The following GALNT14 variants were observed in gnomAD, a reference collection of about 807,000 sequenced individuals.
The protein encoded by GALNT14 is UDP-GalNAc:polypeptide N-acetylgalactosaminyltransferase 14.
GALNT14 carries 60 observed loss-of-function variants against 77.5 expected under a neutral mutation model. The observed-to-expected ratio is 0.77, with a 90% CI of 0.63 to 0.96. The LOEUF (loss-of-function observed/expected upper bound fraction) is 0.96. Among genes scored for constraint, GALNT14 ranks in the 40% least tolerant of loss-of-function variants. The probability of loss-of-function intolerance (pLI) is 0.00; values close to 1 mark genes in which losing one functional copy is unlikely to be tolerated. For missense variants in GALNT14, 710 were observed against 731.0 expected (o/e 0.97, Z 0.33); for synonymous variants, 280 against 281.7 (o/e 0.99, Z 0.06).
At chr2:30,969,750 A>G (rs969505038) in intron 2 of GALNT14, among the ~76,000 whole-genome samples, 3 of 152,152 alleles carry the variant, frequency 2.0e-5, no homozygotes, top group Non-Finnish European at 2.9e-5. Context: ...GATACCACTG[A>G]CCAGCTGTGG....
In GALNT14 at chr2:31,029,668, G is replaced by A. The variant is rs569703267; in HGVS notation, c.130-36661C>T. Among the ~76,000 whole-genome samples, 8 of 152,146 alleles carry A rather than the reference G, an allele frequency of 5.3e-5. No individual in the cohort carries two copies. The East Asian group carries it at 1.4e-3, about 26-fold the overall frequency. ...ATGGATGTGATGCTGATGGCCAGTC[G>A]CAATCATGTAGACTAGAACAACACT... is the stretch of plus-strand genomic sequence containing the variant. On this transcript the variant is annotated intron_variant, in intron 1 of 14. Coordinates refer to ENST00000349752, the MANE Select transcript of GALNT14 (RefSeq NM_024572.4).
At chr2:31,115,033 G>A (rs1483421956) in intron 1 of GALNT14, among the ~76,000 whole-genome samples, 5 of 152,090 alleles carry the variant, frequency 3.3e-5, no homozygotes, top group Non-Finnish European at 5.9e-5. Context: ...GACCACTTGA[G>A]CCCAGGAGTT....
intron 1 of GALNT14, among the ~76,000 whole-genome samples, chr2:31,004,877 C>A (rs756071357): frequency 6.6e-6 from 1 of 152,172 alleles, no homozygotes; most frequent in Admixed American, 6.5e-5. Context: ...CAGGGAAAAG[C>A]AATTTTCAAG....
At chr2:30,900,834 G>A in the GALNT14 span, among the ~76,000 whole-genome samples, 1 of 152,218 alleles carries the variant, frequency 6.6e-6, no homozygotes, top group South Asian at 2.1e-4. Flanking sequence ...CCCAGTCAGG[G>A]GCAGATGTGA....
intron 2 of GALNT14, among the ~76,000 whole-genome samples, chr2:30,978,838 T>A (rs76858698): frequency 0.03 from 4,547 of 151,850 alleles, 160 homozygotes; most frequent in East Asian, 0.21. Context: ...CTTGGAAGGG[T>A]GATAGACAGT....
chr2:31,114,799 T>G (rs1013742741), intron 1 of GALNT14: 1 of 717,532 alleles, frequency 1.4e-6, no homozygotes, highest in African/African-American at 1.7e-5. Flanking sequence ...GCAAGAGACA[T>G]GGGAAATGAC....
chr2:31,046,197 C>T (rs1035238056), intron 1 of GALNT14, among the ~76,000 whole-genome samples: 1 of 151,232 alleles, frequency 6.6e-6, no homozygotes, highest in African/African-American at 2.4e-5. Flanking sequence ...GGGGTTTGAA[C>T]CTAAGTTGGC....
intron 2 of GALNT14, among the ~76,000 whole-genome samples, chr2:30,970,995 C>A (rs1668318989): frequency 1.3e-5 from 2 of 152,178 alleles, no homozygotes; most frequent in South Asian, 4.1e-4. Flanking sequence ...TAATCTGGTG[C>A]TCGTCCCTAC....
At chr2:31,057,294 TA>T (rs398104155) in intron 1 of GALNT14, among the ~76,000 whole-genome samples, 389 of 30,064 alleles carry the variant, frequency 0.013, 2 homozygotes, top group Middle Eastern at 0.044. Context: ...AAGTTGAAAT[TA>T]TATATATATA....
chr2:31,088,999 G>A (rs960652788), intron 1 of GALNT14, among the ~76,000 whole-genome samples: 4 of 152,198 alleles, frequency 2.6e-5, no homozygotes, highest in African/African-American at 9.6e-5. Context: ...TAGATGGGAT[G>A]ACTAATTTCT....
At chr2:30,993,837 G>A (rs1558475567) in intron 1 of GALNT14, among the ~76,000 whole-genome samples, 1 of 152,222 alleles carries the variant, frequency 6.6e-6, no homozygotes, top group Non-Finnish European at 1.5e-5. Flanking sequence ...CTCAGTCTCT[G>A]TGGCCCCTCC....
intron 1 of GALNT14, among the ~76,000 whole-genome samples, chr2:31,090,419 G>A (rs1378854811): frequency 1.3e-5 from 2 of 151,438 alleles, no homozygotes; most frequent in African/African-American, 2.4e-5. Context: ...GGTAGGCAGC[G>A]CATCTGACGC....
In GALNT14 at chr2:30,924,130, C is replaced by T; in HGVS notation, c.1369G>A (p.Ala457Thr). ...SPCAKVKGED[A>T]KSQVWAFTYT... ...GCCAGTTACTTTACCTGGGACTTTG[C>T]ATCTTCGCCTTTGACCTTGGCACAG... Residue 457 changes from alanine to threonine, a missense_variant, in exon 13 of 15, where the codon GCA becomes ACA. Physicochemically the swap from Ala to Thr is moderately conservative, Grantham distance 58. Transcript: ENST00000349752. The T allele has an allele frequency of 6.2e-7, 1 of 1,614,232 alleles. No individual in the cohort carries two copies. Among genetic ancestry groups the T allele is most frequent in the Non-Finnish European group, 8.5e-7 (1 of 1,180,046 alleles).
chr2:30,908,667 C>A (rs1457373871), downstream of GALNT14, among the ~76,000 whole-genome samples: 1 of 108,298 alleles, frequency 9.2e-6, no homozygotes, highest in Non-Finnish European at 1.8e-5. Flanking sequence ...CCATCCCCAT[C>A]AAGCTACCAA....
chr2:30,961,058 G>T (rs149292863), intron 3 of GALNT14, among the ~76,000 whole-genome samples: 1 of 152,372 alleles, frequency 6.6e-6, no homozygotes, highest in East Asian at 1.9e-4. Context: ...CCCAGAGGCC[G>T]CAGGGCAGCG....
intron 11 of GALNT14, among the ~76,000 whole-genome samples, chr2:30,927,899 G>C (rs1176077382): frequency 6.6e-6 from 1 of 152,180 alleles, no homozygotes; most frequent in Admixed American, 6.5e-5. Flanking sequence ...CAGCCTGTGT[G>C]CACAGGAGGA....
At chr2:31,114,553 A>G (rs1678004284) in intron 1 of GALNT14, among the ~76,000 whole-genome samples, 1 of 152,206 alleles carries the variant, frequency 6.6e-6, no homozygotes, top group Non-Finnish European at 1.5e-5. Flanking sequence ...GCGGCTTAGA[A>G]GATCAAGTAG....
At chr2:31,007,450 A>C (rs73923350) in intron 1 of GALNT14, among the ~76,000 whole-genome samples, 8,362 of 152,140 alleles carry the variant, frequency 0.055, 687 homozygotes, top group African/African-American at 0.18. Context: ...GCGTGTCACC[A>C]ATCATTCTTG....
chr2:30,996,553 AC>A, intron 1 of GALNT14, among the ~76,000 whole-genome samples: 1 of 152,238 alleles, frequency 6.6e-6, no homozygotes, highest in Non-Finnish European at 1.5e-5. Context: ...TCTTGGCCTC[AC>A]CCCCCCTCTA....
Sources: allele counts gnomAD v4.1 joint callset (sites outside exome capture counted in the v4.1 genomes callset), GRCh38; gene constraint gnomAD v4.1.1; transcripts MANE v1.5; gene names NCBI Gene and HGNC (gene_info 2026-07-23, HGNC 2026-07-21).